Variants in LINGO1 observed in about 807,000 individuals in gnomAD.
The protein encoded by LINGO1 is leucine-rich repeat and immunoglobulin-like domain-containing nogo receptor-interacting protein 1.
LINGO1 carries 11 observed loss-of-function variants against 37.3 expected under a neutral mutation model. The ratio of observed to expected loss-of-function variants is 0.29; its 90% CI spans 0.19 to 0.49. The LOEUF (loss-of-function observed/expected upper bound fraction) is 0.49. LINGO1 is among the 20% of genes least tolerant of loss of function. LINGO1 has a pLI of 0.99. For missense variants in LINGO1, 585 were observed against 878.2 expected (o/e 0.67, Z 4.22); for synonymous variants, 387 against 403.0 (o/e 0.96, Z 0.48).
At chr15:77,794,586 ATATATTTT>A (rs1422365821) in intron 2 of LINGO1, among the ~76,000 whole-genome samples, 3 of 25,388 alleles carry the variant, frequency 1.2e-4, no homozygotes, top group Non-Finnish European at 3.4e-4. Flanking sequence ...ATATATATAT[ATATATTTT>A]TTTTTTTTTT....
At chr15:77,674,074 C>T (rs2075292150) in intron 3 of LINGO1, among the ~76,000 whole-genome samples, 1 of 152,132 alleles carries the variant, frequency 6.6e-6, no homozygotes, top group African/African-American at 2.4e-5. Context: ...TCCCCTACAC[C>T]AACCCGCTCC....
chr15:77,776,517 G>GAAGGCAGGAAGGGAGT (rs1567577714), intron 1 of LINGO1, among the ~76,000 whole-genome samples: 67 of 94,738 alleles, frequency 7.1e-4, no homozygotes, highest in East Asian at 1.6e-3. Context: ...AGGAAGGCAG[G>GAAGGCAGGAAGGGAGT]AAGGGAGGAA....
chr15:77,735,090 T>A (rs1258110713), intron 1 of LINGO1: 2 of 152,398 alleles, frequency 1.3e-5, no homozygotes, highest in Non-Finnish European at 2.9e-5. Context: ...GAGAGGACAG[T>A]CAGATCGGGG....
rs2075871759 is a variant in LINGO1, at chr15:77,707,903, C to T, written c.-194-17002G>A. ...CCACCAACAGAGACATGGGTGACCACGGGTCCCAGAAGAAAAGGGGCTGGA... is the reference window on the plus strand; with the variant it reads ...CCACCAACAGAGACATGGGTGACCATGGGTCCCAGAAGAAAAGGGGCTGGA... On this transcript the variant is annotated intron_variant, in intron 2 of 3. Transcript: ENST00000561686. Among the ~76,000 whole-genome samples, 4 of 152,184 alleles carry T rather than the reference C, an allele frequency of 2.6e-5. 1 individual carries two copies. In the South Asian group the frequency reaches 8.3e-4, roughly 32 times the overall value.
intron 2 of LINGO1, among the ~76,000 whole-genome samples, chr15:77,717,762 G>T (rs1041786715): frequency 2.0e-5 from 3 of 150,698 alleles, no homozygotes; most frequent in African/African-American, 7.2e-5. Flanking sequence ...CAGACAGGGT[G>T]CAGCGGAGGC....
At chr15:77,634,289 T>G (rs765054429), upstream of LINGO1, 29 of 456,144 alleles carry the variant, frequency 6.4e-5, 1 homozygote, top group South Asian at 4.3e-4. Context: ...CTGTTCCAGC[T>G]GCACCATTTC....
intron 1 of LINGO1, among the ~76,000 whole-genome samples, chr15:77,819,030 C>G (rs2077072677): frequency 6.6e-6 from 1 of 151,736 alleles, no homozygotes; most frequent in South Asian, 2.1e-4. Flanking sequence ...GGGGCTGCAG[C>G]TGCAGGTAAG....
chr15:77,693,955 G>A (rs1215676513), intron 1 of LINGO1, among the ~76,000 whole-genome samples: 1 of 152,168 alleles, frequency 6.6e-6, no homozygotes. Flanking sequence ...TGTGTCCAGA[G>A]AGCAGAGCTA....
At chr15:77,729,425 C>T (rs2076133743) in intron 2 of LINGO1, among the ~76,000 whole-genome samples, 1 of 152,210 alleles carries the variant, frequency 6.6e-6, no homozygotes, top group African/African-American at 2.4e-5. Context: ...CCAGCTTAAC[C>T]CTTGCTCCTC....
At chr15:77,737,979 C>A (rs1338927003) in intron 1 of LINGO1, among the ~76,000 whole-genome samples, 1 of 152,170 alleles carries the variant, frequency 6.6e-6, no homozygotes, top group Non-Finnish European at 1.5e-5. Context: ...GTTCAGAGGC[C>A]TATTTGTCAT....
chr15:77,766,327 A>G (rs570748890), intron 1 of LINGO1, among the ~76,000 whole-genome samples: 1 of 148,942 alleles, frequency 6.7e-6, no homozygotes, highest in East Asian at 2.0e-4. Flanking sequence ...ACACACAAAC[A>G]GAGAGAGAGA....
intron 3 of LINGO1, among the ~76,000 whole-genome samples, chr15:77,659,614 G>A (rs983605769): frequency 3.3e-5 from 5 of 152,310 alleles, no homozygotes; most frequent in South Asian, 2.1e-4. Context: ...CTCTGTCTGA[G>A]TTCAGAGTCC....
At chr15:77,648,820 A>G (rs1186036179) in intron 3 of LINGO1, 2 of 152,108 alleles carry the variant, frequency 1.3e-5, no homozygotes, top group Non-Finnish European at 2.9e-5. Flanking sequence ...AGGGCTGGAG[A>G]CCTCAGGCAG....
chr15:77,728,897 G>A (rs560690966), intron 2 of LINGO1, among the ~76,000 whole-genome samples: 7 of 152,350 alleles, frequency 4.6e-5, no homozygotes, highest in East Asian at 1.9e-4. Flanking sequence ...GGCACATAGC[G>A]GGCACTGAGG....
At chr15:77,673,908 C>T (rs890443328) in intron 3 of LINGO1, among the ~76,000 whole-genome samples, 8 of 152,104 alleles carry the variant, frequency 5.3e-5, no homozygotes, top group South Asian at 2.1e-4. Flanking sequence ...CTTCCTTTAA[C>T]GCTCTATTGT....
intron 2 of LINGO1, among the ~76,000 whole-genome samples, chr15:77,723,285 C>T (rs1054385011): frequency 6.6e-6 from 1 of 152,210 alleles, no homozygotes; most frequent in East Asian, 1.9e-4. Flanking sequence ...TAAATGCAAC[C>T]GTGTCATCTA....
chr15:77,677,651 C>T (rs1042337385), intron 2 of LINGO1, among the ~76,000 whole-genome samples: 2 of 152,098 alleles, frequency 1.3e-5, no homozygotes, highest in African/African-American at 4.8e-5. Context: ...CCCCAAGGAC[C>T]CCATCAGCAC....
intron 1 of LINGO1, among the ~76,000 whole-genome samples, chr15:77,760,171 G>A (rs904153653): frequency 1.3e-5 from 2 of 152,184 alleles, no homozygotes; most frequent in African/African-American, 2.4e-5. Context: ...TCTCTCCTCC[G>A]TGGTGAAGGT....
chr15:77,631,513 G>T (rs879479534), intron 1 of LINGO1, among the ~76,000 whole-genome samples: 1 of 152,176 alleles, frequency 6.6e-6, no homozygotes, highest in Non-Finnish European at 1.5e-5. Flanking sequence ...GGATCCGCCC[G>T]GAGGGTCACA....
Sources: allele counts gnomAD v4.1 joint callset (sites outside exome capture counted in the v4.1 genomes callset), GRCh38; gene constraint gnomAD v4.1.1; transcripts MANE v1.5; gene names NCBI Gene and HGNC (gene_info 2026-07-23, HGNC 2026-07-21).